FSTL5: variants seen among roughly 807,000 people sequenced by gnomAD.
FSTL5 encodes the protein follistatin like 5.
In FSTL5, 62 loss-of-function variants were observed where a neutral mutation model predicts 89.1. The ratio of observed to expected loss-of-function variants is 0.70; its 90% CI spans 0.57 to 0.86. FSTL5 has a LOEUF of 0.86. Ranked by LOEUF, FSTL5 falls within the 40% of genes least tolerant of loss-of-function variation. FSTL5 has a pLI of 0.00. For synonymous variants in FSTL5, 383 were observed against 346.2 expected (o/e 1.11, Z -1.18); for missense variants, 1,057 against 1,001.6 (o/e 1.06, Z -0.75).
At chr4:161,515,932 T>C (rs1730808252) in intron 10 of FSTL5, among the ~76,000 whole-genome samples, 1 of 151,840 alleles carries the variant, frequency 6.6e-6, no homozygotes, top group Non-Finnish European at 1.5e-5. Flanking sequence ...TATGTCAGGT[T>C]GATTTCCAAA....
intron 6 of FSTL5, among the ~76,000 whole-genome samples, chr4:161,670,976 C>A (rs942113710): frequency 3.9e-5 from 6 of 152,164 alleles, no homozygotes; most frequent in Admixed American, 6.5e-5. Context: ...AATCTTCTTT[C>A]TAATGCACAG....
chr4:162,026,900 C>A (rs1737316545), intron 3 of FSTL5, among the ~76,000 whole-genome samples: 2 of 152,126 alleles, frequency 1.3e-5, no homozygotes, highest in Admixed American at 1.3e-4. Context: ...GCACTGCCTT[C>A]TGGTGGGCAA....
At chr4:161,971,940 T>C (rs1183303020) in intron 3 of FSTL5, among the ~76,000 whole-genome samples, 1 of 152,170 alleles carries the variant, frequency 6.6e-6, no homozygotes, top group African/African-American at 2.4e-5. Context: ...ACCAACTTTC[T>C]ACCACCAATA....
chr4:161,422,154 C>T (rs1732013316), intron 15 of FSTL5, among the ~76,000 whole-genome samples: 2 of 151,632 alleles, frequency 1.3e-5, no homozygotes. Context: ...GGTATTGGTT[C>T]TGTTTCTTTA....
chr4:161,444,110 T>C (rs924256869), intron 15 of FSTL5, among the ~76,000 whole-genome samples: 5 of 151,996 alleles, frequency 3.3e-5, no homozygotes, highest in African/African-American at 1.2e-4. Context: ...TCTAGTGGTT[T>C]TCTGTTTGGT....
intron 4 of FSTL5, among the ~76,000 whole-genome samples, chr4:161,873,081 G>A (rs184081839): frequency 1.3e-3 from 197 of 152,162 alleles, no homozygotes; most frequent in Admixed American, 2.4e-3. Context: ...ATTTTTGCAG[G>A]TTTCTAAATT....
intron 11 of FSTL5, among the ~76,000 whole-genome samples, chr4:161,509,551 G>A (rs553627470): frequency 9.5e-4 from 145 of 152,028 alleles, no homozygotes; most frequent in Non-Finnish European, 1.8e-3. Context: ...GAATTGAGAT[G>A]GCTAAATTCC....
intron 7 of FSTL5, among the ~76,000 whole-genome samples, chr4:161,621,951 C>T (rs540053249): frequency 6.9e-4 from 104 of 151,532 alleles, no homozygotes; most frequent in African/African-American, 2.3e-3. Flanking sequence ...GAGCCAAGAT[C>T]GCACCACTGC....
chr4:162,020,651 G>A (rs1487814988), intron 3 of FSTL5, among the ~76,000 whole-genome samples: 1 of 151,706 alleles, frequency 6.6e-6, no homozygotes, highest in Non-Finnish European at 1.5e-5. Flanking sequence ...TTTAAGGTAG[G>A]CCATTTGACT....
At chr4:162,008,198 G>A (rs1182817182) in intron 3 of FSTL5, among the ~76,000 whole-genome samples, 1 of 151,850 alleles carries the variant, frequency 6.6e-6, no homozygotes, top group East Asian at 1.9e-4. Flanking sequence ...CCATTAATGA[G>A]AGAACAAGTC....
intron 4 of FSTL5, among the ~76,000 whole-genome samples, chr4:161,863,131 T>C (rs183391293): frequency 2.8e-4 from 43 of 152,342 alleles, no homozygotes; most frequent in Non-Finnish European, 5.4e-4. Context: ...AAATGCATTC[T>C]AATTATAGCT....
rs568845508 is a variant in FSTL5 at position 162,014,143 on chromosome 4, C to T, written c.160+19482G>A. On this transcript the variant is annotated intron_variant, in intron 3 of 15. Transcript: ENST00000306100. ...AAGTGGGAGGCTCAGGAGATACCAC[C>T]AGTGAGCTGCAGAGGCTGGAGTCAT... Among the ~76,000 whole-genome samples the T allele has an allele frequency of 1.2e-3, 186 of 152,304 alleles. 1 individual carries two copies. Among genetic ancestry groups the T allele is most frequent in the African/African-American group, 3.5e-3 (147 of 41,568 alleles).
chr4:162,014,895 A>G (rs544303491), intron 3 of FSTL5, among the ~76,000 whole-genome samples: 88 of 152,284 alleles, frequency 5.8e-4, no homozygotes, highest in African/African-American at 1.9e-3. Flanking sequence ...AGAAAATAAG[A>G]TAAGTTCTTT....
intron 3 of FSTL5, among the ~76,000 whole-genome samples, chr4:162,022,183 C>A (rs910317366): frequency 6.6e-5 from 10 of 151,850 alleles, no homozygotes; most frequent in Non-Finnish European, 2.9e-5. Flanking sequence ...TAGATTTCAC[C>A]ACTATGCAAT....
chr4:161,829,751 T>C (rs927836112), intron 4 of FSTL5, among the ~76,000 whole-genome samples: 1 of 152,100 alleles, frequency 6.6e-6, no homozygotes, highest in Non-Finnish European at 1.5e-5. Flanking sequence ...ATGAACATAA[T>C]GGATATAGTT....
chr4:161,601,277 A>T (rs1055434934), intron 7 of FSTL5, among the ~76,000 whole-genome samples: 1 of 151,412 alleles, frequency 6.6e-6, no homozygotes, highest in African/African-American at 2.4e-5. Context: ...AAACAAAAAA[A>T]CAATTCTTAC....
At chr4:161,424,024 C>CTTTTT (rs11287729) in intron 15 of FSTL5, among the ~76,000 whole-genome samples, 10 of 75,380 alleles carry the variant, frequency 1.3e-4, no homozygotes, top group African/African-American at 2.3e-4. Context: ...GCCCATCATT[C>CTTTTT]TTTTTTTTTT....
intron 5 of FSTL5, among the ~76,000 whole-genome samples, chr4:161,773,677 T>A: frequency 6.6e-6 from 1 of 151,988 alleles, no homozygotes; most frequent in African/African-American, 2.4e-5. Context: ...GGCCATAATC[T>A]AAACTTTTAA....
chr4:161,455,207 A>C, intron 14 of FSTL5, 79 bp from the exon 15 acceptor site: 1 of 1,218,244 alleles, frequency 8.2e-7, no homozygotes, highest in Non-Finnish European at 1.1e-6. Flanking sequence ...TTAGAGATGA[A>C]ATAAATGTTT....
Sources: gnomAD v4.1 joint callset for allele counts (sites outside exome capture counted in the v4.1 genomes callset) on GRCh38, gnomAD v4.1.1 for gene constraint, MANE v1.5 for transcripts, NCBI Gene and HGNC (gene_info 2026-07-23, HGNC 2026-07-21) for gene names.